The following DEPDC5 variants were observed in gnomAD, a reference collection of about 807,000 sequenced individuals.
DEPDC5 encodes DEP domain containing 5, GATOR1 subcomplex subunit.
A neutral mutation model predicts 217.3 loss-of-function variants in DEPDC5; 73 were observed. The ratio of observed to expected loss-of-function variants is 0.34; its 90% CI spans 0.28 to 0.41. The LOEUF (loss-of-function observed/expected upper bound fraction) is 0.41, where lower values mean the gene tolerates loss of function less well. Among genes scored for constraint, DEPDC5 ranks in the 10% least tolerant of loss-of-function variants. DEPDC5 has a pLI of 1.00. For missense variants in DEPDC5, 1,675 were observed against 2,070.1 expected (o/e 0.81, Z 3.70); for synonymous variants, 733 against 756.7 (o/e 0.97, Z 0.51).
intron 40 of DEPDC5, 95 bp downstream of exon 40, chr22:31,897,748 G>A (rs1279042849): frequency 7.0e-7 from 1 of 1,435,070 alleles, no homozygotes; most frequent in Admixed American, 2.1e-5. Context: ...ACGGACTAGG[G>A]AAAAGGGACA....
intron 5 of DEPDC5, 52 bp from the exon 6 acceptor site, chr22:31,766,533 T>G (rs2082832943): frequency 6.3e-7 from 1 of 1,576,070 alleles, no homozygotes; most frequent in Admixed American, 1.7e-5. Context: ...ACCTTCTGAC[T>G]ATAAAGTGTG....
At chr22:31,791,755 C>T (rs1054881234) in intron 10 of DEPDC5, among the ~76,000 whole-genome samples, 3 of 151,228 alleles carry the variant, frequency 2.0e-5, no homozygotes, top group African/African-American at 7.3e-5. Context: ...GGTGAAACCG[C>T]ATCTCTACTA....
chr22:31,857,354 C>T (rs2092340549), intron 31 of DEPDC5, 91 bp from the exon 32 acceptor site: 1 of 1,050,020 alleles, frequency 9.5e-7, no homozygotes, highest in East Asian at 2.7e-5. Flanking sequence ...TCAAAGATGA[C>T]AGCAACAGAG....
intron 14 of DEPDC5, among the ~76,000 whole-genome samples, chr22:31,801,160 G>A (rs2086831752): frequency 6.6e-6 from 1 of 151,778 alleles, no homozygotes; most frequent in African/African-American, 2.4e-5. Context: ...GCCAGGCATG[G>A]TGGTGCATGC....
intron 4 of DEPDC5, 49 bp from the exon 5 acceptor site, chr22:31,764,926 C>A: frequency 7.0e-7 from 1 of 1,419,632 alleles, no homozygotes; most frequent in South Asian, 1.2e-5. Flanking sequence ...ATATATGGAT[C>A]TGCTTTTTCA....
At chr22:31,897,386 A>C in intron 39 of DEPDC5, 96 bp from the exon 40 acceptor site, 2 of 1,465,610 alleles carry the variant, frequency 1.4e-6, no homozygotes, top group Non-Finnish European at 1.8e-6. Flanking sequence ...ATCAATATGC[A>C]TGCTGCCTTT....
rs2090636894 is a variant in DEPDC5, at chr22:31,832,030, T to C, written c.2105-1885T>C. Among the ~76,000 whole-genome samples, 7 of 152,366 alleles carry C rather than the reference T, an allele frequency of 4.6e-5. No homozygotes were observed. In the South Asian group the frequency reaches 1.4e-3, roughly 32 times the overall value. ...ATACATGGAATCATACAGTATGTAA[T>C]TTTTTGAGTCTGGCTTATTTCACTC... On this transcript the variant is annotated intron_variant, in intron 24 of 42. Transcript: ENST00000651528.
intron 20 of DEPDC5, among the ~76,000 whole-genome samples, chr22:31,812,458 T>C (rs1235587955): frequency 7.5e-6 from 1 of 134,190 alleles, no homozygotes; most frequent in East Asian, 2.3e-4. Context: ...AGAGTCTCGC[T>C]CTGTTGCCCA....
intron 26 of DEPDC5, among the ~76,000 whole-genome samples, chr22:31,838,029 T>G (rs769540207): frequency 4.9e-4 from 74 of 152,176 alleles, no homozygotes; most frequent in African/African-American, 1.7e-3. Context: ...GTAAGAACTG[T>G]TCGTTTCTCC....
At position 31,905,995 on chromosome 22, in the gene DEPDC5, TACAAGATAAATA is replaced by T; in HGVS notation, c.4449_4460del (p.Gln1484_Tyr1487del). On this transcript the variant is annotated inframe_deletion, in exon 42 of 43. Transcript: ENST00000651528. ...CTGTCCTTCCCTAGGTTTGGGTTTG[TACAAGATAAATA>T]TTCTGCCTCTGCTTTTAACTTCCCT... is the stretch of plus-strand genomic sequence containing the variant. 2.5e-6 allele frequency: 4 copies of T among 1,614,170 alleles called. No homozygotes were observed. Among genetic ancestry groups the T allele is most frequent in the Non-Finnish European group, 3.4e-6 (4 of 1,179,998 alleles).
At chr22:31,864,913 A>G (rs2092643325) in intron 33 of DEPDC5, among the ~76,000 whole-genome samples, 1 of 151,692 alleles carries the variant, frequency 6.6e-6, no homozygotes, top group Non-Finnish European at 1.5e-5. Context: ...CTGGTCTCCA[A>G]CTCCTGACCT....
At chr22:31,806,341 C>A in intron 18 of DEPDC5, 150 bp downstream of exon 18, 1 of 657,388 alleles carries the variant, frequency 1.5e-6, no homozygotes, top group Non-Finnish European at 2.6e-6. Flanking sequence ...AGGTAGATTT[C>A]ATTAATCAGC....
intron 16 of DEPDC5, 76 bp from the exon 17 acceptor site, chr22:31,804,766 A>C: frequency 6.7e-7 from 1 of 1,486,656 alleles, no homozygotes. Flanking sequence ...AAAAACCTGA[A>C]AAACAGAAAA....
At position 31,845,182 on chromosome 22, in the gene DEPDC5, T is replaced by C. The variant is rs774001164; in HGVS notation, c.2966T>C (p.Phe989Ser). ...EWQLLDGFVRFVEGLNRIRRR... is the reference protein window; with the variant it reads ...EWQLLDGFVRSVEGLNRIRRR... Reference sequence around the variant, plus strand: ...CAACTCCTGGATGGTTTTGTCCGCTTTGTGGAGGGCTTGAATCGCATTCGC... The same window carrying C: ...CAACTCCTGGATGGTTTTGTCCGCTCTGTGGAGGGCTTGAATCGCATTCGC... The change falls in exon 30 of 43, where the codon TTT (phenylalanine) becomes TCT (serine). Residue 989 changes from phenylalanine (F) to serine (S), a missense_variant. Phe to Ser is a radical substitution (Grantham distance 155). Transcript: ENST00000651528. 3.1e-6 allele frequency: 5 copies of C among 1,614,188 alleles called. No individual in the cohort carries two copies. Among genetic ancestry groups the C allele is most frequent in the Non-Finnish European group, 4.2e-6 (5 of 1,180,016 alleles).
intron 24 of DEPDC5, among the ~76,000 whole-genome samples, chr22:31,825,726 G>A (rs2047964658): frequency 6.6e-6 from 1 of 152,142 alleles, no homozygotes; most frequent in Admixed American, 6.5e-5. Flanking sequence ...AGTCCATACT[G>A]TCACTGATGT....
chr22:31,825,680 G>T (rs2090089326), intron 24 of DEPDC5, among the ~76,000 whole-genome samples: 1 of 152,130 alleles, frequency 6.6e-6, no homozygotes, highest in South Asian at 2.1e-4. Flanking sequence ...CCTTCAAAAT[G>T]ATCTTCCTGC....
chr22:31,755,591 G>A (rs2075253726), intron 2 of DEPDC5: 1 of 149,174 alleles, frequency 6.7e-6, no homozygotes, highest in African/African-American at 2.5e-5. Context: ...TTTTTTTTGG[G>A]ACACGGTCCC....
At position 31,834,143 on chromosome 22, in the gene DEPDC5, T is replaced by C. The variant is rs191462867; in HGVS notation, c.2170+163T>C. 172 of 764,314 alleles carry C rather than the reference T, an allele frequency of 2.3e-4. No individual in the cohort carries two copies. Among genetic ancestry groups the C allele is most frequent in the Admixed American group, 1.8e-3 (95 of 52,518 alleles). 47.3% of individuals were successfully genotyped at this position (764,314 alleles called of 1,614,324 possible). On this transcript the variant is annotated intron_variant, in intron 25 of 42. Coordinates refer to ENST00000651528, the MANE Select transcript of DEPDC5 (RefSeq NM_001242896.3). ...TGGTGAGGGAGGACTCTCTGGACTC[T>C]GTGATGGAAAGTGAGGGGGTGTGTG...
chr22:31,766,770 C>T (rs1215234906), intron 6 of DEPDC5, 102 bp downstream of exon 6: 1 of 954,978 alleles, frequency 1.0e-6, no homozygotes, highest in South Asian at 1.5e-5. Flanking sequence ...GATTTTATAT[C>T]AGCATCTACA....
Sources: allele counts gnomAD v4.1 joint callset (sites outside exome capture counted in the v4.1 genomes callset), GRCh38; gene constraint gnomAD v4.1.1; transcripts MANE v1.5; gene names NCBI Gene and HGNC (gene_info 2026-07-23, HGNC 2026-07-21).